FAM120B: variants seen among roughly 807,000 people sequenced by gnomAD.
FAM120B encodes the protein family with sequence similarity 120 member B.
A neutral mutation model predicts 96.3 loss-of-function variants in FAM120B; 83 were observed. The ratio of observed to expected loss-of-function variants is 0.86; its 90% CI spans 0.72 to 1.03. FAM120B has a LOEUF of 1.03. FAM120B is among the 50% of genes least tolerant of loss of function. The probability of loss-of-function intolerance (pLI) is 0.00; values close to 1 mark genes in which losing one functional copy is unlikely to be tolerated. For synonymous variants in FAM120B, 407 were observed against 402.7 expected, an observed-to-expected ratio of 1.01 and a Z score of -0.13; for missense variants, 1,027 against 1,121.2, an observed-to-expected ratio of 0.92 and a Z score of 1.20.
Position 170,312,324 on chromosome 6 carries a change from A to G in FAM120B, c.-21-5046A>G, listed in dbSNP as rs1026843311. On this transcript the variant is annotated intron_variant, in intron 1 of 10. Transcript: ENST00000476287. ...CTAGCTTATAAAAATTATAAATACA[A>G]TAAAACCTCCCTAAAATTTATGTCT... Among the ~76,000 whole-genome samples the G allele has an allele frequency of 2.6e-5, 4 of 152,360 alleles. No individual in the cohort carries two copies. In the East Asian group the frequency reaches 7.7e-4, roughly 29 times the overall value.
At chr6:170,320,089 A>G (rs1387268822) in intron 2 of FAM120B, among the ~76,000 whole-genome samples, 1 of 152,210 alleles carries the variant, frequency 6.6e-6, no homozygotes, top group Non-Finnish European at 1.5e-5. Context: ...CTGTGTCCAC[A>G]TGAATGTCTC....
rs559528564 is a variant in FAM120B, at chr6:170,397,916, C to T, written c.2692+2337C>T. On this transcript the variant is annotated intron_variant, in intron 9 of 10. Transcript: ENST00000476287. ...TTTCGGGCAGACTGACTGGGCAGGG[C>T]GTGCTGTCATGTCCCCTACTCCTAG... 5.9e-5 allele frequency among the ~76,000 whole-genome samples: 9 copies of T among 152,298 alleles called. No individual in the cohort carries two copies. In the South Asian group the frequency reaches 1.4e-3, roughly 25 times the overall value.
upstream of FAM120B, among the ~76,000 whole-genome samples, chr6:170,291,510 G>A (rs886493458): frequency 6.6e-6 from 1 of 152,182 alleles, no homozygotes; most frequent in South Asian, 2.1e-4. Context: ...CGCTTCCTAA[G>A]GAGGAGTCTC....
intron 6 of FAM120B, among the ~76,000 whole-genome samples, chr6:170,374,332 A>C (rs1459576780): frequency 6.6e-6 from 1 of 152,214 alleles, no homozygotes; most frequent in East Asian, 1.9e-4. Flanking sequence ...GGAGCATGGA[A>C]AGTTTGGTTG....
Position 170,388,335 on chromosome 6 carries a change from C to T in FAM120B, c.2332C>T (p.Arg778Cys), listed in dbSNP as rs928669857. The T allele has an allele frequency of 9.3e-6, 15 of 1,614,082 alleles. No homozygotes were observed. Among genetic ancestry groups the T allele is most frequent in the Non-Finnish European group, 1.2e-5 (14 of 1,180,038 alleles). ...RAVQLGSLLVRGLTTLVLVNS... is the reference protein window; with the variant it reads ...RAVQLGSLLVCGLTTLVLVNS... ...CGTGCAGCTGGGCTCCCTTCTCGTC[C>T]GCGGCCTCACCACTCTGGTTTTAGT... The change falls in exon 7 of 11, where the codon CGC (arginine) becomes TGC (cysteine). Residue 778 changes from arginine to cysteine, a missense_variant. Arg to Cys is a radical substitution (Grantham distance 180). Around this residue, in one of 3 missense-constraint regions of FAM120B, gnomAD observed 880 missense variants for 980.9 expected, o/e 0.90. Coordinates refer to ENST00000476287, the MANE Select transcript of FAM120B (RefSeq NM_032448.3).
rs1181252794 is a variant in FAM120B at position 170,363,828 on chromosome 6, G to A, written c.2283+5510G>A. Among the ~76,000 whole-genome samples the A allele has an allele frequency of 6.6e-6, 1 of 152,034 alleles. No homozygotes were observed. The highest frequency in any genetic ancestry group is 2.4e-5 in the African/African-American group (1 of 41,384). Reference sequence around the variant, plus strand: ...CACCCAGGCTAGAGTGCAGTGGCGCGAACTCAGCTCACTGCAACCTCAGCC... The same window carrying A: ...CACCCAGGCTAGAGTGCAGTGGCGCAAACTCAGCTCACTGCAACCTCAGCC... On this transcript the variant is annotated intron_variant, in intron 6 of 10. Transcript: ENST00000476287. This position sits in a 1 kb window ranked among gnomAD's most constrained non-coding sequence, Gnocchi z 4.5.
At chr6:170,401,383 G>A (rs1778575413) in intron 9 of FAM120B, among the ~76,000 whole-genome samples, 1 of 152,134 alleles carries the variant, frequency 6.6e-6, no homozygotes, top group Non-Finnish European at 1.5e-5. Context: ...AGGTTTGGGG[G>A]TGACAGGACA....
At chr6:170,361,225 T>TATATATATATAC (rs1788407018) in intron 6 of FAM120B, among the ~76,000 whole-genome samples, 1 of 123,578 alleles carries the variant, frequency 8.1e-6, no homozygotes, top group Non-Finnish European at 1.7e-5. Context: ...TATATATATA[T>TATATATATATAC]ATATATATAT....
At chr6:170,398,973 G>T (rs545537577) in intron 9 of FAM120B, among the ~76,000 whole-genome samples, 19 of 151,232 alleles carry the variant, frequency 1.3e-4, no homozygotes, top group African/African-American at 4.4e-4. Context: ...TCTTAGGAGT[G>T]AGTGGGAAAG....
intron 3 of FAM120B, among the ~76,000 whole-genome samples, chr6:170,328,256 A>G (rs1023741387): frequency 6.6e-6 from 1 of 152,168 alleles, no homozygotes; most frequent in Non-Finnish European, 1.5e-5. Flanking sequence ...ATACTTTAGA[A>G]ACTTTTAATT....
chr6:170,397,909 G>A lies in FAM120B; in HGVS notation c.2692+2330G>A, dbSNP rs547599564. Reference sequence around the variant, plus strand: ...GCCTCTCTTTCGGGCAGACTGACTGGGCAGGGCGTGCTGTCATGTCCCCTA... The same window carrying A: ...GCCTCTCTTTCGGGCAGACTGACTGAGCAGGGCGTGCTGTCATGTCCCCTA... On this transcript the variant is annotated intron_variant, in intron 9 of 10. Coordinates refer to ENST00000476287, the MANE Select transcript of FAM120B (RefSeq NM_032448.3). Among the ~76,000 whole-genome samples the A allele has an allele frequency of 8.5e-5, 13 of 152,312 alleles. No individual in the cohort carries two copies. The East Asian group carries it at 2.5e-3, about 30-fold the overall frequency.
chr6:170,298,094 T>C (rs542474144), intron 1 of FAM120B: 2 of 152,240 alleles, frequency 1.3e-5, no homozygotes, highest in Non-Finnish European at 2.9e-5. Flanking sequence ...ACAATGCACA[T>C]GGACATCAGG....
chr6:170,364,067 T>C (rs1788628901), intron 6 of FAM120B, among the ~76,000 whole-genome samples: 1 of 152,180 alleles, frequency 6.6e-6, no homozygotes, highest in East Asian at 1.9e-4. Flanking sequence ...TTTTGTTTTT[T>C]TGGGATGTGG....
chr6:170,298,964 C>T (rs560321173), intron 1 of FAM120B, among the ~76,000 whole-genome samples: 193 of 152,356 alleles, frequency 1.3e-3, no homozygotes, highest in African/African-American at 4.4e-3. Flanking sequence ...CACTTCATTT[C>T]CTCACTGGCT....
intron 8 of FAM120B, among the ~76,000 whole-genome samples, chr6:170,394,409 A>G (rs1442338034): frequency 6.6e-6 from 1 of 152,256 alleles, no homozygotes; most frequent in Non-Finnish European, 1.5e-5. Flanking sequence ...AGGGCAGCCC[A>G]GGAGCATGTG....
rs1785047433 is a variant in FAM120B, at chr6:170,318,433, A to G, written c.1043A>G (p.Glu348Gly). ...REEVPMCSDA[E>G]SRQEVPMCTG... is the part of the protein sequence containing the mutation. ...GAAGTTCCCATGTGTTCAGATGCTG[A>G]ATCCAGGCAAGAAGTTCCCATGTGT... Residue 348 changes from glutamate (E) to glycine (G), a missense_variant, in exon 2 of 11, where the codon GAA becomes GGA. Physicochemically the swap from Glu to Gly is moderately conservative, Grantham distance 98 (BLOSUM62 -2). Transcript: ENST00000476287. 1.2e-6 allele frequency: 2 copies of G among 1,614,136 alleles called. No homozygotes were observed. Among genetic ancestry groups the G allele is most frequent in the African/African-American group, 2.7e-5 (2 of 74,950 alleles).
intron 6 of FAM120B, among the ~76,000 whole-genome samples, chr6:170,374,212 CG>C (rs1480447695): frequency 6.6e-6 from 1 of 152,214 alleles, no homozygotes; most frequent in African/African-American, 2.4e-5. Context: ...ACTGGCTCCT[CG>C]CCCCTCAAAT....
chr6:170,332,881 A>AT (rs947767017), intron 4 of FAM120B, among the ~76,000 whole-genome samples: 2 of 151,922 alleles, frequency 1.3e-5, no homozygotes, highest in African/African-American at 4.8e-5. Flanking sequence ...TTTTCAGTGA[A>AT]TTTTTCAATA....
At position 170,318,039 on chromosome 6, in the gene FAM120B, C is replaced by T. The variant is rs770854941; in HGVS notation, c.649C>T (p.Leu217Phe). Residue 217 changes from leucine (L) to phenylalanine (F), a missense_variant, in exon 2 of 11, where the codon CTC becomes TTC. Around this residue, in one of 3 missense-constraint regions of FAM120B, gnomAD observed 880 missense variants for 980.9 expected, o/e 0.90. Transcript: ENST00000476287. ...CREKLCESLG[L>F]CVADLPLLAC... ...AGAGAAGCTCTGTGAGAGTCTGGGC[C>T]TCTGTGTGGCCGACCTTCCTCTTCT... The T allele has an allele frequency of 6.2e-7, 1 of 1,614,126 alleles. No individual in the cohort carries two copies. The highest frequency in any genetic ancestry group is 8.5e-7 in the Non-Finnish European group (1 of 1,180,008).
Sources: allele counts gnomAD v4.1 joint callset (sites outside exome capture counted in the v4.1 genomes callset), GRCh38; gene constraint gnomAD v4.1.1; regional missense constraint gnomAD v4.1.1; non-coding constraint Gnocchi (gnomAD v3.1); transcripts MANE v1.5; gene names NCBI Gene and HGNC (gene_info 2026-07-23, HGNC 2026-07-21).